SLC17A5: variants seen among roughly 807,000 people sequenced by gnomAD.
SLC17A5 encodes sialin.
Under a neutral mutation model 59.4 loss-of-function variants are expected in SLC17A5, and 47 were observed. The observed-to-expected ratio is 0.79, with a 90% CI of 0.63 to 1.01. The LOEUF (loss-of-function observed/expected upper bound fraction) is 1.01. SLC17A5 is among the 50% of genes least tolerant of loss of function. The pLI, the probability that SLC17A5 is intolerant of heterozygous loss-of-function variation, is 0.00. For synonymous variants in SLC17A5, 202 were observed against 210.7 expected (o/e 0.96, Z 0.36); for missense variants, 522 against 595.5 (o/e 0.88, Z 1.28).
At chr6:73,602,128 G>T (rs564803141) in intron 9 of SLC17A5, among the ~76,000 whole-genome samples, 103 of 151,458 alleles carry the variant, frequency 6.8e-4, no homozygotes, top group African/African-American at 2.2e-3. Context: ...CCTGTTGATC[G>T]GTGACCTTAC....
chr6:73,642,284 C>T (rs1286282523), intron 2 of SLC17A5, among the ~76,000 whole-genome samples: 2 of 152,162 alleles, frequency 1.3e-5, no homozygotes, highest in Non-Finnish European at 2.9e-5. Context: ...TGCCGCCCCC[C>T]CGGCCCTGCC....
intron 6 of SLC17A5, among the ~76,000 whole-genome samples, chr6:73,629,186 A>C (rs1338834246): frequency 2.0e-5 from 3 of 151,940 alleles, no homozygotes; most frequent in African/African-American, 7.2e-5. Flanking sequence ...TCACAAGTTC[A>C]AGACCAGCCT....
intron 10 of SLC17A5, 100 bp from the exon 11 acceptor site, chr6:73,595,314 T>C: frequency 7.5e-7 from 1 of 1,328,784 alleles, no homozygotes; most frequent in South Asian, 1.2e-5. Context: ...AGCCACATTA[T>C]TCATAAAAGC....
intron 1 of SLC17A5, among the ~76,000 whole-genome samples, chr6:73,644,960 C>T (rs922886918): frequency 1.3e-5 from 2 of 152,094 alleles, no homozygotes; most frequent in African/African-American, 4.8e-5. Context: ...CACATGAGAG[C>T]CTGAACTATA....
intron 6 of SLC17A5, among the ~76,000 whole-genome samples, chr6:73,631,982 A>G (rs1175595859): frequency 6.9e-6 from 1 of 145,826 alleles, no homozygotes; most frequent in Non-Finnish European, 1.5e-5. Flanking sequence ...ATTTTACAAC[A>G]CTGTCAACTA....
chr6:73,620,310 C>T (rs570841789), intron 7 of SLC17A5, among the ~76,000 whole-genome samples: 1 of 151,456 alleles, frequency 6.6e-6, no homozygotes, highest in Non-Finnish European at 1.5e-5. Flanking sequence ...CAGTTGAATG[C>T]AATTAATCAC....
At chr6:73,619,669 A>G (rs1453716814) in intron 7 of SLC17A5, among the ~76,000 whole-genome samples, 1 of 152,158 alleles carries the variant, frequency 6.6e-6, no homozygotes, top group Non-Finnish European at 1.5e-5. Flanking sequence ...TTTATTTTAC[A>G]GAATGAAAGA....
At chr6:73,620,031 C>T (rs1231576553) in intron 7 of SLC17A5, among the ~76,000 whole-genome samples, 1 of 146,398 alleles carries the variant, frequency 6.8e-6, no homozygotes, top group Non-Finnish European at 1.5e-5. Flanking sequence ...TCCAGTGATT[C>T]TCCTGCTTCA....
chr6:73,615,427 CA>C lies in SLC17A5; in HGVS notation c.998del (p.Leu333CysfsTer4), dbSNP rs779494716. ...NVQENGFLSS[L>X]PYLGSWLCMI... Reference sequence around the variant, plus strand: ...TACATAACCAAGAGCCTAAATAAGGCAATGAAGATAAAAACCCATTCTGGAA... The same window carrying C: ...TACATAACCAAGAGCCTAAATAAGGCATGAAGATAAAAACCCATTCTGGAA... On this transcript the variant is annotated frameshift_variant, in exon 8 of 11. Coordinates refer to ENST00000355773, the MANE Select transcript of SLC17A5 (RefSeq NM_012434.5). LOFTEE classifies it high-confidence loss of function. 3.7e-6 allele frequency: 6 copies of C among 1,613,512 alleles called. No homozygotes were observed. The highest frequency in any genetic ancestry group is 5.1e-6 in the Non-Finnish European group (6 of 1,179,928).
chr6:73,643,136 AATTTATTT>A (rs199849471), intron 2 of SLC17A5, among the ~76,000 whole-genome samples: 16 of 151,330 alleles, frequency 1.1e-4, no homozygotes, highest in Non-Finnish European at 1.6e-4. Context: ...AATGGGTGAA[AATTTATTT>A]ATTTATTTAT....
chr6:73,601,575 C>G (rs1175236322), intron 9 of SLC17A5, among the ~76,000 whole-genome samples: 1 of 94,918 alleles, frequency 1.1e-5, no homozygotes, highest in African/African-American at 5.3e-5. Flanking sequence ...TCTGCCCGGC[C>G]GCCCCTACTG....
rs1364006387 is a variant in SLC17A5 at position 73,594,482 on chromosome 6, GAA to G, written c.*593_*594del. The stretch of plus-strand genomic sequence containing the variant: ...GCCCCTCAGAGGAAAGGCACCAGCC[GAA>G]GAGTCGACACTGGCTCTGGGCTTGG... On this transcript the variant is annotated 3_prime_UTR_variant, in exon 11 of 11. Transcript: ENST00000355773. The G allele has an allele frequency of 1.2e-5, 2 of 162,252 alleles. No individual in the cohort carries two copies. The highest frequency in any genetic ancestry group is 4.8e-5 in the African/African-American group (2 of 41,486). 10.1% of individuals were successfully genotyped at this position (162,252 alleles called of 1,614,324 possible).
At chr6:73,650,104 T>C (rs1213742731) in intron 1 of SLC17A5, among the ~76,000 whole-genome samples, 2 of 150,676 alleles carry the variant, frequency 1.3e-5, no homozygotes, top group East Asian at 3.9e-4. Context: ...CTCACGCCTG[T>C]AATCCTAGCA....
intron 3 of SLC17A5, among the ~76,000 whole-genome samples, chr6:73,639,595 A>G (rs1769180688): frequency 6.6e-6 from 1 of 152,176 alleles, no homozygotes; most frequent in South Asian, 2.1e-4. Flanking sequence ...TTATTATAAA[A>G]CCTAGGGACA....
intron 6 of SLC17A5, among the ~76,000 whole-genome samples, chr6:73,629,316 A>G (rs969355246): frequency 2.0e-5 from 3 of 152,174 alleles, no homozygotes; most frequent in South Asian, 4.1e-4. Flanking sequence ...TGAACCCGGG[A>G]GGCAGAGGGA....
chr6:73,653,977 C>T lies in SLC17A5; in HGVS notation c.-91G>A, dbSNP rs1345659580. ...AGCCCCCGGGCCGAGCTGGCTGGAC[C>T]GGGCGGGGCGGGGGCGATGACACCG... On this transcript the variant is annotated 5_prime_UTR_variant, in exon 1 of 11. Coordinates refer to ENST00000355773, the MANE Select transcript of SLC17A5 (RefSeq NM_012434.5). The T allele has an allele frequency of 2.8e-6, 3 of 1,068,636 alleles. No individual in the cohort carries two copies. Among genetic ancestry groups the T allele is most frequent in the Non-Finnish European group, 4.0e-6 (3 of 751,160 alleles). 66.2% of individuals were successfully genotyped at this position (1,068,636 alleles called of 1,614,324 possible).
chr6:73,653,954 C>G lies in SLC17A5; in HGVS notation c.-68G>C. 1 of 1,402,736 alleles carries G rather than the reference C, an allele frequency of 7.1e-7. No individual in the cohort carries two copies. The highest frequency in any genetic ancestry group is 1.2e-5 in the South Asian group (1 of 80,898). The allele number at this position is 1,402,736 out of a possible 1,614,324, so 86.9% of individuals were successfully genotyped here. A position where few individuals can be genotyped will look rare whatever the true frequency, so the allele number is the denominator to read the frequency against. On this transcript the variant is annotated 5_prime_UTR_variant, in exon 1 of 11. Coordinates refer to ENST00000355773, the MANE Select transcript of SLC17A5 (RefSeq NM_012434.5). Reference sequence around the variant, plus strand: ...GGAGCGCCGGCCCGACAGCCCGAAGCCCCCGGGCCGAGCTGGCTGGACCGG... The same window carrying G: ...GGAGCGCCGGCCCGACAGCCCGAAGGCCCCGGGCCGAGCTGGCTGGACCGG...
intron 6 of SLC17A5, among the ~76,000 whole-genome samples, chr6:73,626,896 C>T (rs12154139): frequency 0.056 from 8,470 of 150,766 alleles, 420 homozygotes; most frequent in Admixed American, 0.16. Context: ...CTCAGCCTCC[C>T]GAGTAGCTGG....
chr6:73,596,363 A>G (rs1012154663), intron 10 of SLC17A5, among the ~76,000 whole-genome samples: 1 of 152,206 alleles, frequency 6.6e-6, no homozygotes, highest in African/African-American at 2.4e-5. Context: ...TGGCAAGTAT[A>G]AAAGATCTTG....
Sources: allele counts gnomAD v4.1 joint callset (sites outside exome capture counted in the v4.1 genomes callset), GRCh38; gene constraint gnomAD v4.1.1; transcripts MANE v1.5; gene names NCBI Gene and HGNC (gene_info 2026-07-23, HGNC 2026-07-21).